MSRA: variants seen among roughly 807,000 people sequenced by gnomAD.
The protein encoded by MSRA is mitochondrial peptide methionine sulfoxide reductase.
A neutral mutation model predicts 31.3 loss-of-function variants in MSRA; 54 were observed. The observed-to-expected ratio is 1.73, with a 90% CI of 1.39 to 2.17. The LOEUF is 2.17. Among genes scored for constraint, MSRA ranks in the 30% most tolerant of loss-of-function variants. MSRA has a pLI of 0.00. For synonymous variants in MSRA, 169 were observed against 116.5 expected (o/e 1.45, Z -2.90); for missense variants, 507 against 300.9 (o/e 1.69, Z -5.07).
intron 1 of MSRA, among the ~76,000 whole-genome samples, chr8:10,058,507 TAGA>T (rs1208708670): frequency 6.6e-6 from 1 of 152,232 alleles, no homozygotes; most frequent in Non-Finnish European, 1.5e-5. Context: ...TTGATTTTTA[TAGA>T]AGAAATAAAG....
At chr8:10,250,286 T>C in intron 3 of MSRA, 1 of 601,976 alleles carries the variant, frequency 1.7e-6, no homozygotes, top group East Asian at 2.8e-5. Context: ...GATGAAAATA[T>C]GAAAAGACAT....
At chr8:10,200,269 G>C (rs1238403222) in intron 1 of MSRA, among the ~76,000 whole-genome samples, 3 of 152,206 alleles carry the variant, frequency 2.0e-5, no homozygotes, top group Admixed American at 6.5e-5. Flanking sequence ...CACCTGATTT[G>C]TTTTTCGTGC....
chr8:10,344,402 C>T (rs1472370168), intron 5 of MSRA, among the ~76,000 whole-genome samples: 6 of 151,434 alleles, frequency 4.0e-5, no homozygotes, highest in African/African-American at 1.2e-4. Flanking sequence ...GGTGAAACCC[C>T]GTCTCTACTA....
intron 5 of MSRA, among the ~76,000 whole-genome samples, chr8:10,368,961 A>G (rs927091505): frequency 2.1e-4 from 32 of 152,198 alleles, no homozygotes; most frequent in African/African-American, 7.5e-4. Flanking sequence ...TTGTGGTTCT[A>G]GGGCACAGCT....
intron 5 of MSRA, among the ~76,000 whole-genome samples, chr8:10,393,933 G>T (rs1806926301): frequency 6.6e-6 from 1 of 152,196 alleles, no homozygotes; most frequent in Non-Finnish European, 1.5e-5. Context: ...GCAGGCACGG[G>T]ATATTTGGTG....
At chr8:10,316,983 G>T (rs1482065319) in intron 4 of MSRA, among the ~76,000 whole-genome samples, 1 of 152,180 alleles carries the variant, frequency 6.6e-6, no homozygotes, top group African/African-American at 2.4e-5. Context: ...TGCCACTGCA[G>T]CATGCAGGTA....
intron 3 of MSRA, among the ~76,000 whole-genome samples, chr8:10,266,971 A>G (rs1798779380): frequency 6.6e-6 from 1 of 152,230 alleles, no homozygotes; most frequent in Non-Finnish European, 1.5e-5. Flanking sequence ...TAATAAGGTC[A>G]TTAAGGGCAA....
At chr8:10,080,842 G>T (rs1265008858) in intron 1 of MSRA, among the ~76,000 whole-genome samples, 2 of 152,100 alleles carry the variant, frequency 1.3e-5, no homozygotes, top group African/African-American at 4.8e-5. Context: ...CCTGGCCTTG[G>T]CAGCCTCATC....
chr8:10,422,449 A>G (rs767350321), intron 5 of MSRA, among the ~76,000 whole-genome samples: 11 of 152,224 alleles, frequency 7.2e-5, no homozygotes, highest in Non-Finnish European at 1.2e-4. Context: ...TCCTGGGGTC[A>G]TTGAGGAAGA....
chr8:10,233,701 A>ACACAGAG (rs1811691050), intron 2 of MSRA, among the ~76,000 whole-genome samples: 1 of 152,242 alleles, frequency 6.6e-6, no homozygotes, highest in African/African-American at 2.4e-5. Context: ...ATAAGTTGAG[A>ACACAGAG]TGTGTCAACT....
intron 5 of MSRA, among the ~76,000 whole-genome samples, chr8:10,360,313 C>G (rs1252998917): frequency 1.3e-5 from 2 of 152,186 alleles, no homozygotes. Flanking sequence ...TGCCCCCTTC[C>G]TCAAAAAAGA....
intron 1 of MSRA, among the ~76,000 whole-genome samples, chr8:10,170,833 G>A (rs184304412): frequency 1.3e-5 from 2 of 152,300 alleles, no homozygotes; most frequent in East Asian, 3.9e-4. Context: ...TGTCCAATCA[G>A]CCCAAGTTGG....
intron 1 of MSRA, among the ~76,000 whole-genome samples, chr8:10,146,353 C>T (rs1803146393): frequency 1.3e-5 from 2 of 152,180 alleles, no homozygotes; most frequent in African/African-American, 2.4e-5. Context: ...AAAAGAAAGA[C>T]ATCCCCAGAA....
Position 10,391,686 on chromosome 8 carries a change from C to A in MSRA, c.544-36462C>A, listed in dbSNP as rs112034078. On this transcript the variant is annotated intron_variant, in intron 5 of 5. Coordinates refer to ENST00000317173, the MANE Select transcript of MSRA (RefSeq NM_012331.5). ...GAGCGTGGGCTAGGAGTCGGTTCTT[C>A]TACACGAGCACGCCTAACAGCTCTG... 9.5e-3 allele frequency among the ~76,000 whole-genome samples: 1,440 copies of A among 152,266 alleles called. 28 individuals carry two copies. Among genetic ancestry groups the A allele is most frequent in the African/African-American group, 0.033 (1,381 of 41,536 alleles).
intron 2 of MSRA, among the ~76,000 whole-genome samples, chr8:10,243,562 G>C (rs978008064): frequency 6.6e-6 from 1 of 151,756 alleles, no homozygotes; most frequent in Non-Finnish European, 1.5e-5. Flanking sequence ...AGATTCTTAT[G>C]TTATTTCTTT....
intron 5 of MSRA, among the ~76,000 whole-genome samples, chr8:10,393,196 C>T (rs1288192734): frequency 1.3e-5 from 2 of 152,138 alleles, no homozygotes; most frequent in Non-Finnish European, 2.9e-5. Context: ...CCGCCCGCCC[C>T]CCGTGTTTCT....
chr8:10,200,602 G>A (rs1289181249), intron 1 of MSRA, among the ~76,000 whole-genome samples: 1 of 152,162 alleles, frequency 6.6e-6, no homozygotes, highest in Non-Finnish European at 1.5e-5. Flanking sequence ...GGATGAGTGG[G>A]CGTAGTGGTC....
At chr8:10,206,536 C>G (rs1808992714) in intron 1 of MSRA, among the ~76,000 whole-genome samples, 1 of 152,204 alleles carries the variant, frequency 6.6e-6, no homozygotes, top group Non-Finnish European at 1.5e-5. Flanking sequence ...CTTCCGTGAC[C>G]TAGTCTCGGT....
chr8:10,085,186 T>C (rs1798496264), intron 1 of MSRA, among the ~76,000 whole-genome samples: 1 of 152,194 alleles, frequency 6.6e-6, no homozygotes, highest in African/African-American at 2.4e-5. Flanking sequence ...GCCTCTGTTT[T>C]AGCCAGACAG....
Sources: allele counts gnomAD v4.1 joint callset (sites outside exome capture counted in the v4.1 genomes callset), GRCh38; gene constraint gnomAD v4.1.1; transcripts MANE v1.5; gene names NCBI Gene and HGNC (gene_info 2026-07-23, HGNC 2026-07-21).